PRORP: variants seen among roughly 807,000 people sequenced by gnomAD.
PRORP encodes the protein mitochondrial ribonuclease P catalytic subunit.
A neutral mutation model predicts 59.4 loss-of-function variants in PRORP; 51 were observed. The observed-to-expected ratio is 0.86, with a 90% CI of 0.69 to 1.08. PRORP has a LOEUF of 1.08. Among genes scored for constraint, PRORP ranks in the 50% least tolerant of loss-of-function variants. PRORP has a pLI of 0.00. For synonymous variants in PRORP, 231 were observed against 245.6 expected, an observed-to-expected ratio of 0.94 and a Z score of 0.55; for missense variants, 646 against 690.3, an observed-to-expected ratio of 0.94 and a Z score of 0.72.
chr14:35,196,842 A>G (rs2049021799), intron 5 of PRORP, among the ~76,000 whole-genome samples: 1 of 152,210 alleles, frequency 6.6e-6, no homozygotes, highest in African/African-American at 2.4e-5. Context: ...GATCGTCTGC[A>G]TCACTCAGAA....
At chr14:35,234,321 G>T (rs1180043617) in intron 5 of PRORP, among the ~76,000 whole-genome samples, 1 of 152,176 alleles carries the variant, frequency 6.6e-6, no homozygotes, top group African/African-American at 2.4e-5. Context: ...ATTCGCATCT[G>T]CTTTGGAAAC....
intron 5 of PRORP, among the ~76,000 whole-genome samples, chr14:35,247,980 T>C (rs2050524147): frequency 6.6e-6 from 1 of 152,110 alleles, no homozygotes; most frequent in Non-Finnish European, 1.5e-5. Context: ...TGGATGACTG[T>C]GTGGGTGCTA....
intron 5 of PRORP, among the ~76,000 whole-genome samples, chr14:35,259,993 G>GTTTTTT (rs557378360): frequency 6.8e-4 from 55 of 81,260 alleles, no homozygotes; most frequent in Non-Finnish European, 8.6e-4. Flanking sequence ...GGTTTTTCGG[G>GTTTTTT]TTTTTTTTTT....
At chr14:35,270,307 C>T (rs2051152402) in intron 6 of PRORP, 94 bp from the exon 7 acceptor site, 8 of 1,214,436 alleles carry the variant, frequency 6.6e-6, no homozygotes, top group African/African-American at 1.5e-5. Flanking sequence ...ATCAGAGGCA[C>T]CTCCAAGGAA....
At chr14:35,272,381 A>G (rs772066718) in intron 7 of PRORP, among the ~76,000 whole-genome samples, 16 of 152,158 alleles carry the variant, frequency 1.1e-4, no homozygotes, top group Non-Finnish European at 1.6e-4. Context: ...GGGAGGCCGA[A>G]GCAGGAGGAT....
intron 6 of PRORP, among the ~76,000 whole-genome samples, chr14:35,268,447 C>G (rs1323492126): frequency 1.3e-5 from 2 of 151,192 alleles, no homozygotes; most frequent in Non-Finnish European, 2.9e-5. Flanking sequence ...CACATATGAA[C>G]TCAATGCACT....
chr14:35,197,314 A>G (rs1290337713), intron 5 of PRORP, among the ~76,000 whole-genome samples: 1 of 152,204 alleles, frequency 6.6e-6, no homozygotes, highest in Non-Finnish European at 1.5e-5. Flanking sequence ...TTATGAAAAT[A>G]TAATATCCAT....
intron 5 of PRORP, among the ~76,000 whole-genome samples, chr14:35,241,807 C>T (rs969072203): frequency 2.0e-5 from 3 of 152,164 alleles, no homozygotes; most frequent in Non-Finnish European, 4.4e-5. Flanking sequence ...CATACCGTAA[C>T]ATTTCACTCA....
rs1296027973 is a variant in PRORP, at chr14:35,275,208, T to C, written c.*1642T>C. On this transcript the variant is annotated 3_prime_UTR_variant, in exon 8 of 8. Transcript: ENST00000534898. ...AACATTTTAAATTGATATATTTACA[T>C]TTATGACAATATACCTCAAAGTAAG... is the stretch of plus-strand genomic sequence containing the variant. 1 of 152,174 alleles carries C rather than the reference T, an allele frequency of 6.6e-6. No homozygotes were observed. Among genetic ancestry groups the C allele is most frequent in the Non-Finnish European group, 1.5e-5 (1 of 68,036 alleles). 9.4% of individuals were successfully genotyped at this position (152,174 alleles called of 1,614,324 possible).
chr14:35,164,130 T>TAG (rs1371375068), intron 4 of PRORP, among the ~76,000 whole-genome samples: 1 of 152,210 alleles, frequency 6.6e-6, no homozygotes, highest in South Asian at 2.1e-4. Flanking sequence ...TTGGTCTCTA[T>TAG]ATCTGTTTTT....
At chr14:35,154,136 T>G (rs1490760900) in intron 4 of PRORP, among the ~76,000 whole-genome samples, 1 of 152,150 alleles carries the variant, frequency 6.6e-6, no homozygotes, top group Non-Finnish European at 1.5e-5. Flanking sequence ...TAGTTATGTG[T>G]TAAGAAAAGT....
At chr14:35,205,721 T>C (rs1470288097) in intron 5 of PRORP, among the ~76,000 whole-genome samples, 1 of 152,248 alleles carries the variant, frequency 6.6e-6, no homozygotes, top group African/African-American at 2.4e-5. Context: ...GTTTTTGAAG[T>C]AGAAAGTTTG....
chr14:35,190,313 G>C (rs145391487), intron 5 of PRORP, among the ~76,000 whole-genome samples: 2 of 150,750 alleles, frequency 1.3e-5, no homozygotes, highest in African/African-American at 4.9e-5. Context: ...CAGGAGAATC[G>C]CTTGAATCCA....
chr14:35,208,027 G>A (rs1400190552), intron 5 of PRORP, among the ~76,000 whole-genome samples: 1 of 152,088 alleles, frequency 6.6e-6, no homozygotes, highest in African/African-American at 2.4e-5. Context: ...GTGTATGCCT[G>A]TAGTCCCAGC....
At chr14:35,150,975 T>G (rs2047731026) in intron 4 of PRORP, among the ~76,000 whole-genome samples, 1 of 152,186 alleles carries the variant, frequency 6.6e-6, no homozygotes, top group Non-Finnish European at 1.5e-5. Flanking sequence ...CAGCGAGTGA[T>G]CTTTTCTCTC....
At chr14:35,236,338 T>C (rs1419880971) in intron 5 of PRORP, among the ~76,000 whole-genome samples, 2 of 152,202 alleles carry the variant, frequency 1.3e-5, no homozygotes, top group Non-Finnish European at 2.9e-5. Flanking sequence ...TGGATCTCCA[T>C]TGCTTTAATC....
intron 5 of PRORP, among the ~76,000 whole-genome samples, chr14:35,181,502 G>T (rs1236417902): frequency 1.3e-5 from 2 of 152,094 alleles, no homozygotes; most frequent in African/African-American, 4.8e-5. Context: ...TGCTGCCGCT[G>T]GCTGGGCACA....
chr14:35,231,660 G>A (rs2050084873), intron 5 of PRORP, among the ~76,000 whole-genome samples: 1 of 152,114 alleles, frequency 6.6e-6, no homozygotes, highest in Non-Finnish European at 1.5e-5. Flanking sequence ...ACAGATAGAG[G>A]CGCCAACTCT....
intron 4 of PRORP, among the ~76,000 whole-genome samples, chr14:35,171,828 C>A (rs1319779800): frequency 6.6e-6 from 1 of 152,048 alleles, no homozygotes; most frequent in Non-Finnish European, 1.5e-5. Context: ...CCCAATTCAT[C>A]TTTTTGCTTT....
Sources: allele counts gnomAD v4.1 joint callset (sites outside exome capture counted in the v4.1 genomes callset), GRCh38; gene constraint gnomAD v4.1.1; transcripts MANE v1.5; gene names NCBI Gene and HGNC (gene_info 2026-07-23, HGNC 2026-07-21).